HCFC2: variants seen among roughly 807,000 people sequenced by gnomAD.
HCFC2 encodes the protein host cell factor 2.
A neutral mutation model predicts 89.2 loss-of-function variants in HCFC2; 18 were observed. The ratio of observed to expected loss-of-function variants is 0.20; its 90% CI spans 0.14 to 0.30. The LOEUF (loss-of-function observed/expected upper bound fraction) is 0.30. Among genes scored for constraint, HCFC2 ranks in the 10% least tolerant of loss-of-function variants. The pLI, the probability that HCFC2 is intolerant of heterozygous loss-of-function variation, is 1.00. For synonymous variants in HCFC2, 308 were observed against 335.7 expected, an observed-to-expected ratio of 0.92 and a Z score of 0.90; for missense variants, 578 against 956.1, an observed-to-expected ratio of 0.60 and a Z score of 5.21.
At chr12:104,092,482 A>AT (rs1884048577) in intron 9 of HCFC2, among the ~76,000 whole-genome samples, 1 of 151,768 alleles carries the variant, frequency 6.6e-6, no homozygotes, top group Non-Finnish European at 1.5e-5. Flanking sequence ...AATAAAAATA[A>AT]TTTTTTTAGG....
At chr12:104,072,337 A>G (rs911630542) in intron 3 of HCFC2, among the ~76,000 whole-genome samples, 13 of 151,780 alleles carry the variant, frequency 8.6e-5, no homozygotes. Context: ...ACATCAGTGC[A>G]TTCCAGCCAG....
intron 13 of HCFC2, among the ~76,000 whole-genome samples, chr12:104,100,779 A>G (rs979056346): frequency 2.0e-5 from 3 of 152,172 alleles, no homozygotes; most frequent in African/African-American, 7.2e-5. Context: ...AATTCTAGTT[A>G]ATAATTAGTA....
At position 104,093,434 on chromosome 12, in the gene HCFC2, G is replaced by C. The variant is rs1374180202; in HGVS notation, c.1333G>C (p.Glu445Gln). The change falls in exon 10 of 15, where the codon GAA becomes CAA. Residue 445 changes from glutamate to glutamine, a missense_variant. Glu to Gln is a conservative substitution (Grantham distance 29). This residue lies in a region of HCFC2 where 210 missense variants were observed against 251.7 expected (regional missense o/e 0.83). Coordinates refer to ENST00000229330, the MANE Select transcript of HCFC2 (RefSeq NM_013320.3). Reference sequence around the variant, plus strand: ...AAAAACTGAACAGCCAGCCACAAAAGAAACTTCAATGAAAAACAAACCAGA... The same window carrying C: ...AAAAACTGAACAGCCAGCCACAAAACAAACTTCAATGAAAAACAAACCAGA... ...STKTEQPATK[E>Q]TSMKNKPDFK... 2 of 1,613,266 alleles carry C rather than the reference G, an allele frequency of 1.2e-6. No individual in the cohort carries two copies. The highest frequency in any genetic ancestry group is 1.7e-5 in the Admixed American group (1 of 59,904).
chr12:104,091,800 A>G (rs1350723777), intron 9 of HCFC2, among the ~76,000 whole-genome samples: 1 of 152,112 alleles, frequency 6.6e-6, no homozygotes, highest in Non-Finnish European at 1.5e-5. Flanking sequence ...TTCATCTATA[A>G]AAAAAGGGTC....
chr12:104,089,883 A>G (rs562206764), intron 9 of HCFC2, among the ~76,000 whole-genome samples: 3 of 152,306 alleles, frequency 2.0e-5, no homozygotes, highest in Non-Finnish European at 4.4e-5. Context: ...AAAAAATTAT[A>G]AAACTTAAGA....
chr12:104,087,410 CGTGTGTGTGTGTGT>C (rs10548495), intron 8 of HCFC2, among the ~76,000 whole-genome samples: 27 of 133,192 alleles, frequency 2.0e-4, no homozygotes, highest in South Asian at 2.4e-4. Flanking sequence ...TACTGCAGTA[CGTGTGTGTGTGTGT>C]GTGTGTGTGT....
At chr12:104,102,496 A>G (rs7312227) in intron 14 of HCFC2, among the ~76,000 whole-genome samples, 38,051 of 151,840 alleles carry the variant, frequency 0.25, 4,907 homozygotes, top group South Asian at 0.38. Context: ...ATAGGCCCCA[A>G]TGTGTGTTGT....
chr12:104,078,412 T>C (rs1883577893), intron 3 of HCFC2, among the ~76,000 whole-genome samples: 1 of 152,234 alleles, frequency 6.6e-6, no homozygotes. Flanking sequence ...TCCTGAAATG[T>C]TACAATTTTT....
chr12:104,102,056 T>A lies in HCFC2; in HGVS notation c.1967T>A (p.Ile656Asn), dbSNP rs1233515525. The stretch of plus-strand genomic sequence containing the variant: ...GGATACAGATTCAGGGTTGCTGCAA[T>A]CAATGGTTGTGGGATAGGTCCTTTC... ...GTGYRFRVAA[I>N]NGCGIGPFSK... Residue 656 changes from isoleucine (I) to asparagine (N), a missense_variant, in exon 14 of 15, where the codon ATC becomes AAC. Ile to Asn is a moderately radical substitution (Grantham distance 149). Transcript: ENST00000229330. The A allele has an allele frequency of 6.2e-7, 1 of 1,614,124 alleles. No homozygotes were observed. The highest frequency in any genetic ancestry group is 8.5e-7 in the Non-Finnish European group (1 of 1,179,980).
chr12:104,098,586 CT>C (rs1884246327), intron 13 of HCFC2, 106 bp downstream of exon 13: 4 of 1,163,696 alleles, frequency 3.4e-6, no homozygotes, highest in Non-Finnish European at 4.8e-6. Context: ...AATGAGATTT[CT>C]TTTTTAGAAC....
chr12:104,090,711 G>T (rs1883997863), intron 9 of HCFC2, among the ~76,000 whole-genome samples: 1 of 149,836 alleles, frequency 6.7e-6, no homozygotes, highest in African/African-American at 2.4e-5. Context: ...AAATTTTGGA[G>T]TTTTAGTCTG....
chr12:104,068,671 T>G lies in HCFC2; in HGVS notation c.473+564T>G, dbSNP rs990098665. 6.6e-6 allele frequency among the ~76,000 whole-genome samples: 1 copy of G among 152,202 alleles called. No homozygotes were observed. Among genetic ancestry groups the G allele is most frequent in the South Asian group, 2.1e-4 (1 of 4,832 alleles). The stretch of plus-strand genomic sequence containing the variant: ...ACATCATGTTTTGTTTGTTTGTTTG[T>G]ATGTTGAGTTCCAATAAGCCTTTAT... On this transcript the variant is annotated intron_variant, in intron 3 of 14. Transcript: ENST00000229330. The surrounding 1 kb of genome is among the most constrained non-coding windows in gnomAD (Gnocchi z 4.1).
intron 13 of HCFC2, among the ~76,000 whole-genome samples, chr12:104,099,058 A>G (rs554236967): frequency 1.6e-3 from 243 of 152,256 alleles, no homozygotes; most frequent in African/African-American, 5.3e-3. Flanking sequence ...CACAGGCTGT[A>G]CAGGAAGCAT....
In HCFC2 at chr12:104,096,424, G is replaced by A. The variant is rs1884180090; in HGVS notation, c.1731G>A (p.Thr577=). 1.2e-6 allele frequency: 2 copies of A among 1,605,314 alleles called. No homozygotes were observed. Among genetic ancestry groups the A allele is most frequent in the Non-Finnish European group, 8.5e-7 (1 of 1,173,764 alleles). The change falls in exon 12 of 15, where the codon ACG becomes ACA. Residue 577 remains threonine, a synonymous_variant. Transcript: ENST00000229330. ...ISRVETHATA[T]PFSKETPSNP... is the part of the protein sequence containing the mutation. ...GTGTAGAGACACATGCTACAGCAAC[G>A]CCGTTTTCTGTAAGTACATGACCTG... is the stretch of plus-strand genomic sequence containing the variant.
chr12:104,074,757 G>A (rs914874222), intron 3 of HCFC2, among the ~76,000 whole-genome samples: 2 of 151,992 alleles, frequency 1.3e-5, no homozygotes, highest in African/African-American at 4.8e-5. Context: ...TCTTTATATG[G>A]GGGAGTAGGG....
intron 3 of HCFC2, among the ~76,000 whole-genome samples, chr12:104,073,283 G>A (rs887624776): frequency 6.6e-6 from 1 of 151,160 alleles, no homozygotes; most frequent in Non-Finnish European, 1.5e-5. Flanking sequence ...TCCTGCCTCA[G>A]CCTCCCAGGT....
Position 104,086,816 on chromosome 12 carries a change from T to C in HCFC2, c.1064-31T>C, listed in dbSNP as rs1883864706. 6 of 1,600,776 alleles carry C rather than the reference T, an allele frequency of 3.7e-6. No homozygotes were observed. In the East Asian group the frequency reaches 1.3e-4, roughly 36 times the overall value. ...AGCAAACCATTTATACACTGGAAACTTAAATGTATAATATCATGATTGTTC... is the reference window on the plus strand; with the variant it reads ...AGCAAACCATTTATACACTGGAAACCTAAATGTATAATATCATGATTGTTC... On this transcript the variant is annotated intron_variant, in intron 7 of 14. Transcript: ENST00000229330.
In HCFC2 at chr12:104,068,224, A is replaced by G; in HGVS notation, c.473+117A>G. The G allele has an allele frequency of 2.5e-6, 2 of 796,732 alleles. No homozygotes were observed. Among genetic ancestry groups the G allele is most frequent in the Non-Finnish European group, 3.7e-6 (2 of 535,820 alleles). 49.4% of individuals were successfully genotyped at this position (796,732 alleles called of 1,614,324 possible). On this transcript the variant is annotated intron_variant, in intron 3 of 14. Transcript: ENST00000229330. This position sits in a 1 kb window ranked among gnomAD's most constrained non-coding sequence, Gnocchi z 4.1. Reference sequence around the variant, plus strand: ...GCTTAGCTTTTTGCATTTCAACCTAACAGTGGACAGATTTGTGTGTGTTTG... The same window carrying G: ...GCTTAGCTTTTTGCATTTCAACCTAGCAGTGGACAGATTTGTGTGTGTTTG...
intron 7 of HCFC2, among the ~76,000 whole-genome samples, chr12:104,086,485 C>T (rs1488307515): frequency 6.6e-6 from 1 of 151,898 alleles, no homozygotes; most frequent in Non-Finnish European, 1.5e-5. Flanking sequence ...AGCCTCCCCC[C>T]AAAAACCTTC....
Sources: allele counts gnomAD v4.1 joint callset (sites outside exome capture counted in the v4.1 genomes callset), GRCh38; gene constraint gnomAD v4.1.1; regional missense constraint gnomAD v4.1.1; non-coding constraint Gnocchi (gnomAD v3.1); transcripts MANE v1.5; gene names NCBI Gene and HGNC (gene_info 2026-07-23, HGNC 2026-07-21).